Variants in FBXO11 observed in about 807,000 individuals in gnomAD.
The protein encoded by FBXO11 is F-box protein 11, also known as F-box only protein 11.
FBXO11 carries 13 observed loss-of-function variants against 117.0 expected under a neutral mutation model. That is an observed-to-expected ratio of 0.11 (90% CI 0.07 to 0.18). The LOEUF is 0.18. FBXO11 is among the 10% of genes least tolerant of loss of function. The pLI is 1.00. For synonymous variants in FBXO11, 490 were observed against 380.5 expected (o/e 1.29, Z -3.35); for missense variants, 767 against 1,164.4 (o/e 0.66, Z 4.97).
intron 3 of FBXO11, 70 bp downstream of exon 3, chr2:47,839,334 AATACACTTAATTTTC>A (rs1291314516): frequency 2.0e-5 from 25 of 1,245,226 alleles, no homozygotes; most frequent in Admixed American, 2.0e-4. Context: ...GTAATACTCG[AATACACTTAATTTTC>A]ATTTTTTGGT....
chr2:47,822,208 A>G lies in FBXO11; in HGVS notation c.1702+10T>C. ...TCTATAAGTTTTATAGAACAAAACCATACGCTTACCATAAATGTCATTTCC... is the reference window on the plus strand; with the variant it reads ...TCTATAAGTTTTATAGAACAAAACCGTACGCTTACCATAAATGTCATTTCC... On this transcript the variant is annotated intron_variant, in intron 13 of 22. Transcript: ENST00000403359. 6.4e-7 allele frequency: 1 copy of G among 1,563,708 alleles called. No individual in the cohort carries two copies. The highest frequency in any genetic ancestry group is 1.2e-5 in the South Asian group (1 of 85,460).
chr2:47,843,306 G>C (rs1673152784), intron 1 of FBXO11, among the ~76,000 whole-genome samples: 1 of 152,150 alleles, frequency 6.6e-6, no homozygotes, highest in Non-Finnish European at 1.5e-5. Flanking sequence ...GATCTAGCTT[G>C]TTAATTGTGT....
At chr2:47,821,389 T>C (rs2104724143) in intron 13 of FBXO11, among the ~76,000 whole-genome samples, 1 of 152,194 alleles carries the variant, frequency 6.6e-6, no homozygotes, top group Admixed American at 6.5e-5. Flanking sequence ...GGCAGGCAGA[T>C]CACAAGGTCA....
At chr2:47,871,636 T>A (rs1201643453) in intron 1 of FBXO11, among the ~76,000 whole-genome samples, 1 of 152,204 alleles carries the variant, frequency 6.6e-6, no homozygotes, top group South Asian at 2.1e-4. Flanking sequence ...AACCGCCTAT[T>A]TAGAACCTTT....
rs1162536103 is a variant in FBXO11 at position 47,905,770 on chromosome 2, G to A, written c.-50C>T. 7.9e-6 allele frequency: 10 copies of A among 1,270,316 alleles called. No individual in the cohort carries two copies. The highest frequency in any genetic ancestry group is 6.8e-5 in the East Asian group (1 of 14,782). 78.7% of individuals were successfully genotyped at this position (1,270,316 alleles called of 1,614,324 possible). On this transcript the variant is annotated 5_prime_UTR_variant, in exon 1 of 23. Coordinates refer to ENST00000403359, the MANE Select transcript of FBXO11 (RefSeq NM_001190274.2). The stretch of plus-strand genomic sequence containing the variant: ...GGCGGAGGGACACACACACGCACAC[G>A]CACAGCGAGCTTCGGGGCAGGAGAA...
intron 7 of FBXO11, among the ~76,000 whole-genome samples, chr2:47,834,011 C>T (rs183363969): frequency 3.3e-5 from 5 of 152,178 alleles, no homozygotes; most frequent in Non-Finnish European, 7.4e-5. Context: ...TATTTTTCTT[C>T]GTTTAATGAA....
chr2:47,835,482 T>C (rs1672483420), intron 5 of FBXO11, among the ~76,000 whole-genome samples: 1 of 152,144 alleles, frequency 6.6e-6, no homozygotes, highest in South Asian at 2.1e-4. Flanking sequence ...TGATAAATGT[T>C]CATTAAAACC....
At position 47,818,873 on chromosome 2, in the gene FBXO11, T is replaced by TAAA. The variant is rs374445177; in HGVS notation, c.1921-12_1921-10dup. Reference sequence around the variant, plus strand: ...TAAAAATAAACACCAACCTAAAATTTAAAAAAAAAAAAAAAGCTTTTTCAA... The same window carrying TAAA: ...TAAAAATAAACACCAACCTAAAATTTAAAAAAAAAAAAAAAAAAGCTTTTTCAA... On this transcript the variant is annotated splice_polypyrimidine_tract_variant and intron_variant, in intron 15 of 22. Transcript: ENST00000403359. The TAAA allele has an allele frequency of 3.5e-5, 49 of 1,418,618 alleles. No homozygotes were observed. Among genetic ancestry groups the TAAA allele is most frequent in the Non-Finnish European group, 4.4e-5 (46 of 1,046,628 alleles). The allele number at this position is 1,418,618 out of a possible 1,614,324, so 87.9% of individuals were successfully genotyped here.
In FBXO11 at chr2:47,846,120, C is replaced by T. The variant is rs547721098; in HGVS notation, c.233-6351G>A. ...CAAACTGGCTCCAACCCAAGAAACACGAAATCATGGATTAGTTATGGTTTT... is the reference window on the plus strand; with the variant it reads ...CAAACTGGCTCCAACCCAAGAAACATGAAATCATGGATTAGTTATGGTTTT... On this transcript the variant is annotated intron_variant, in intron 1 of 22. Coordinates refer to ENST00000403359, the MANE Select transcript of FBXO11 (RefSeq NM_001190274.2). 8.5e-5 allele frequency among the ~76,000 whole-genome samples: 13 copies of T among 152,250 alleles called. No individual in the cohort carries two copies. In the South Asian group the frequency reaches 2.5e-3, roughly 29 times the overall value.
intron 1 of FBXO11, among the ~76,000 whole-genome samples, chr2:47,878,669 T>A (rs1446633320): frequency 6.6e-6 from 1 of 151,974 alleles, no homozygotes; most frequent in Non-Finnish European, 1.5e-5. Context: ...GCATTTTTTT[T>A]TTTTTTTTAA....
At chr2:47,875,002 T>A (rs1675895478) in intron 1 of FBXO11, among the ~76,000 whole-genome samples, 1 of 152,098 alleles carries the variant, frequency 6.6e-6, no homozygotes, top group South Asian at 2.1e-4. Flanking sequence ...AATTCTTAAG[T>A]CTGAGAAAAT....
At chr2:47,863,955 C>G (rs1271668129) in intron 1 of FBXO11, among the ~76,000 whole-genome samples, 1 of 151,168 alleles carries the variant, frequency 6.6e-6, no homozygotes, top group South Asian at 2.1e-4. Context: ...AAAAAAAAAC[C>G]AAAACCCCAT....
rs1670770620 is a variant in FBXO11 at position 47,813,436 on chromosome 2, T to TATTTA, written c.2084-60_2084-59insTAAAT. ...TATATTTCTTTTTAATTTTTTTTTTTTTTTTTTTTTTTGAGACAGAGTCTC... is the reference window on the plus strand; with the variant it reads ...TATATTTCTTTTTAATTTTTTTTTTTATTTATTTTTTTTTTTTGAGACAGAGTCTC... On this transcript the variant is annotated intron_variant, in intron 17 of 22. Transcript: ENST00000403359. 4 of 1,032,724 alleles carry TATTTA rather than the reference T, an allele frequency of 3.9e-6. No individual in the cohort carries two copies. In the African/African-American group the frequency reaches 8.8e-5, roughly 23 times the overall value. The allele number at this position is 1,032,724 out of a possible 1,614,324, so 64.0% of individuals were successfully genotyped here.
At chr2:47,815,207 T>A (rs183997710) in intron 16 of FBXO11, among the ~76,000 whole-genome samples, 1 of 152,256 alleles carries the variant, frequency 6.6e-6, no homozygotes, top group African/African-American at 2.4e-5. Flanking sequence ...TGAATGAACA[T>A]CCACGCAGAA....
At chr2:47,863,055 C>CAAAAAAAAAAAAAAAAAAAAAA (rs763187950) in intron 1 of FBXO11, among the ~76,000 whole-genome samples, 1 of 73,956 alleles carries the variant, frequency 1.4e-5, no homozygotes. Context: ...AACTGTGTCT[C>CAAAAAAAAAAAAAAAAAAAAAA]AAAAAAAAAA....
At chr2:47,815,894 A>G in intron 16 of FBXO11, among the ~76,000 whole-genome samples, 1 of 152,192 alleles carries the variant, frequency 6.6e-6, no homozygotes, top group East Asian at 1.9e-4. Context: ...TTCAGAATGA[A>G]ACTGGCGCAC....
rs1298593299 is a variant in FBXO11 at position 47,807,389 on chromosome 2, T to C, written c.*729A>G. 3 of 207,852 alleles carry C rather than the reference T, an allele frequency of 1.4e-5. No individual in the cohort carries two copies. The highest frequency in any genetic ancestry group is 2.9e-5 in the Non-Finnish European group (3 of 101,886). The allele number at this position is 207,852 out of a possible 1,614,324, so 12.9% of individuals were successfully genotyped here. On this transcript the variant is annotated 3_prime_UTR_variant, in exon 23 of 23. Coordinates refer to ENST00000403359, the MANE Select transcript of FBXO11 (RefSeq NM_001190274.2). ...AAGTCTCATTAAAACACTCACTTTT[T>C]CTAGGGGTGATTTTGAATGCTGCAC...
intron 1 of FBXO11, among the ~76,000 whole-genome samples, chr2:47,868,387 CCA>C (rs950986438): frequency 4.6e-5 from 7 of 151,968 alleles, no homozygotes; most frequent in African/African-American, 1.4e-4. Context: ...TCACAATATG[CCA>C]CAGTGTGGGC....
At chr2:47,808,816 A>G (rs1284938859) in intron 21 of FBXO11, 6 of 259,422 alleles carry the variant, frequency 2.3e-5, no homozygotes, top group Non-Finnish European at 3.6e-5. Context: ...CATGAGTTAC[A>G]TGAATGACAT....
Sources: gnomAD v4.1 joint callset for allele counts (sites outside exome capture counted in the v4.1 genomes callset) on GRCh38, gnomAD v4.1.1 for gene constraint, MANE v1.5 for transcripts, NCBI Gene and HGNC (gene_info 2026-07-23, HGNC 2026-07-21) for gene names.